The following DDX60 variants were observed in gnomAD, a reference collection of about 807,000 sequenced individuals.
DDX60 encodes the protein probable ATP-dependent RNA helicase DDX60.
A neutral mutation model predicts 212.8 loss-of-function variants in DDX60; 165 were observed. The observed-to-expected ratio is 0.78, with a 90% CI of 0.68 to 0.88. The LOEUF is 0.88. DDX60 is among the 40% of genes least tolerant of loss of function. The pLI is 0.00. For synonymous variants in DDX60, 703 were observed against 685.3 expected, an observed-to-expected ratio of 1.03 and a Z score of -0.40; for missense variants, 1,905 against 2,003.9, an observed-to-expected ratio of 0.95 and a Z score of 0.94.
upstream of DDX60, among the ~76,000 whole-genome samples, chr4:168,319,639 G>C (rs540902249): frequency 6.6e-6 from 1 of 152,322 alleles, no homozygotes; most frequent in Non-Finnish European, 1.5e-5. Flanking sequence ...TACTTGCAGT[G>C]TGGGTTTCGA....
chr4:168,307,575 C>T (rs948221160), intron 4 of DDX60, among the ~76,000 whole-genome samples: 1 of 152,056 alleles, frequency 6.6e-6, no homozygotes, highest in Non-Finnish European at 1.5e-5. Context: ...TCCCGAAGTG[C>T]TGGGATTACA....
At chr4:168,312,361 A>T (rs1208627547) in intron 1 of DDX60, among the ~76,000 whole-genome samples, 1 of 152,180 alleles carries the variant, frequency 6.6e-6, no homozygotes, top group Non-Finnish European at 1.5e-5. Flanking sequence ...ACAAATACAA[A>T]GTCTGGACTA....
chr4:168,246,671 C>T (rs956538331), intron 29 of DDX60, 53 bp from the exon 30 acceptor site: 2 of 1,578,116 alleles, frequency 1.3e-6, no homozygotes, highest in Non-Finnish European at 1.7e-6. Context: ...CTTCTACTGC[C>T]ATAGTGTAAG....
intron 11 of DDX60, 51 bp from the exon 12 acceptor site, chr4:168,284,986 A>C (rs759570850): frequency 2.3e-6 from 2 of 872,590 alleles, no homozygotes; most frequent in South Asian, 1.8e-5. Context: ...CAAATATAAC[A>C]CAGCACAGAT....
chr4:168,311,210 G>C (rs1346268680), intron 2 of DDX60, 46 bp downstream of exon 2: 2 of 1,596,622 alleles, frequency 1.3e-6, no homozygotes, highest in Non-Finnish European at 1.7e-6. Context: ...TAGTTTACAG[G>C]GTAACATTGT....
Position 168,260,953 on chromosome 4 carries a change from C to T in DDX60, c.3310G>A (p.Asp1104Asn). Reference sequence around the variant, plus strand: ...GTGATCATGTTTTCTGGACTCAAATCTGCTTCAGGACTAAGATTCTGAAGT... The same window carrying T: ...GTGATCATGTTTTCTGGACTCAAATTTGCTTCAGGACTAAGATTCTGAAGT... Reference protein sequence around the residue: ...MVLQNLSPEADLSPENMITMF... With the variant: ...MVLQNLSPEANLSPENMITMF... Residue 1104 changes from aspartate (D) to asparagine (N), a missense_variant, in exon 25 of 38, where the codon GAT (aspartate) becomes AAT (asparagine). By Grantham distance (23) the Asp-to-Asn change is conservative (BLOSUM62 1). Coordinates refer to ENST00000393743, the MANE Select transcript of DDX60 (RefSeq NM_017631.6). The T allele has an allele frequency of 6.2e-7, 1 of 1,613,600 alleles. No individual in the cohort carries two copies. The highest frequency in any genetic ancestry group is 8.5e-7 in the Non-Finnish European group (1 of 1,179,676).
intron 7 of DDX60, among the ~76,000 whole-genome samples, chr4:168,292,761 C>T (rs571262469): frequency 2.0e-5 from 3 of 152,288 alleles, no homozygotes; most frequent in Non-Finnish European, 4.4e-5. Flanking sequence ...GCAGGGCTAT[C>T]AACAAAGCAA....
At chr4:168,325,748 G>A in the DDX60 span, among the ~76,000 whole-genome samples, 2 of 152,168 alleles carry the variant, frequency 1.3e-5, no homozygotes, top group African/African-American at 4.8e-5. Context: ...CAAACTGCTT[G>A]GCCAACAGAT....
At position 168,278,345 on chromosome 4, in the gene DDX60, T is replaced by C. The variant is rs984536150; in HGVS notation, c.1978+1990A>G. ...GTGTTTGATAAGTGCTTAGTTAAGA[T>C]AGAAGGTGGAAGACATGAATAGAAA... On this transcript the variant is annotated intron_variant, in intron 14 of 37. Transcript: ENST00000393743. Among the ~76,000 whole-genome samples the C allele has an allele frequency of 3.9e-5, 6 of 152,260 alleles. No individual in the cohort carries two copies. The South Asian group carries it at 6.2e-4, about 16-fold the overall frequency.
intron 14 of DDX60, among the ~76,000 whole-genome samples, chr4:168,277,736 G>A (rs1315508249): frequency 6.7e-6 from 1 of 149,196 alleles, no homozygotes; most frequent in Non-Finnish European, 1.5e-5. Flanking sequence ...GTGAACCCAG[G>A]AGGCAGAGCT....
At chr4:168,219,923 C>T (rs1045853997) in intron 37 of DDX60, among the ~76,000 whole-genome samples, 1 of 151,928 alleles carries the variant, frequency 6.6e-6, no homozygotes, top group Non-Finnish European at 1.5e-5. Flanking sequence ...GTAATCCCAG[C>T]TACTCAGGAG....
intron 29 of DDX60, among the ~76,000 whole-genome samples, chr4:168,247,449 G>C (rs756722983): frequency 3.3e-5 from 5 of 152,190 alleles, no homozygotes; most frequent in Non-Finnish European, 7.3e-5. Flanking sequence ...TAGGAACAAG[G>C]CCTATAAGGA....
chr4:168,321,069 T>C (rs1214498657), upstream of DDX60, among the ~76,000 whole-genome samples: 1 of 152,212 alleles, frequency 6.6e-6, no homozygotes, highest in Non-Finnish European at 1.5e-5. Flanking sequence ...AGGTGAGAGT[T>C]CAAGACAACT....
chr4:168,219,627 G>A (rs1366103903), intron 37 of DDX60, among the ~76,000 whole-genome samples: 1 of 152,122 alleles, frequency 6.6e-6, no homozygotes, highest in African/African-American at 2.4e-5. Flanking sequence ...AAAGAGACTT[G>A]ATTAGCAAGA....
chr4:168,246,745 G>A, intron 29 of DDX60, 127 bp from the exon 30 acceptor site: 3 of 938,380 alleles, frequency 3.2e-6, no homozygotes, highest in Non-Finnish European at 4.8e-6. Context: ...TTAAGGAACG[G>A]ACACTAACAT....
intron 6 of DDX60, among the ~76,000 whole-genome samples, chr4:168,300,962 G>C (rs1736624303): frequency 6.6e-6 from 1 of 152,102 alleles, no homozygotes; most frequent in Non-Finnish European, 1.5e-5. Context: ...GGTGAGTCAG[G>C]GGGAGTGATG....
At chr4:168,293,283 G>T (rs560480447) in intron 7 of DDX60, among the ~76,000 whole-genome samples, 2 of 152,162 alleles carry the variant, frequency 1.3e-5, no homozygotes, top group Admixed American at 6.5e-5. Context: ...CAGCAGGAAG[G>T]TTCTTTCAAA....
chr4:168,223,259 T>C (rs2149490710), intron 35 of DDX60, among the ~76,000 whole-genome samples: 1 of 152,140 alleles, frequency 6.6e-6, no homozygotes, highest in South Asian at 2.1e-4. Context: ...AAGATATATT[T>C]GTATGTACGC....
In DDX60 at chr4:168,224,289, G is replaced by C; in HGVS notation, c.4778C>G (p.Ser1593Cys). 1 of 1,612,492 alleles carries C rather than the reference G, an allele frequency of 6.2e-7. No individual in the cohort carries two copies. The highest frequency in any genetic ancestry group is 8.5e-7 in the Non-Finnish European group (1 of 1,179,004). Residue 1593 changes from serine (S) to cysteine (C), a missense_variant, in exon 35 of 38, where the codon TCT (serine) becomes TGT (cysteine). Transcript: ENST00000393743. ...RVAISPFVCLSGNFDDDLLRL... is the reference protein window; with the variant it reads ...RVAISPFVCLCGNFDDDLLRL... ...AAGCAAATCATCATCAAAGTTCCCA[G>C]ACAGACAAACAAATGGTGAAATTGC...
Sources: gnomAD v4.1 joint callset for allele counts (sites outside exome capture counted in the v4.1 genomes callset) on GRCh38, gnomAD v4.1.1 for gene constraint, MANE v1.5 for transcripts, NCBI Gene and HGNC (gene_info 2026-07-23, HGNC 2026-07-21) for gene names.